The following FGD1 variants were observed in gnomAD, a reference collection of about 807,000 sequenced individuals.
The protein encoded by FGD1 is FYVE, RhoGEF and PH domain-containing protein 1.
FGD1 carries 12 observed loss-of-function variants against 65.0 expected under a neutral mutation model. The ratio of observed to expected loss-of-function variants is 0.18; its 90% CI spans 0.12 to 0.30. The LOEUF (loss-of-function observed/expected upper bound fraction) is 0.30. FGD1 is among the 10% of genes least tolerant of loss of function. The probability of loss-of-function intolerance (pLI) is 1.00; values close to 1 mark genes in which losing one functional copy is unlikely to be tolerated. For synonymous variants in FGD1, 333 were observed against 343.9 expected (o/e 0.97, Z 0.35); for missense variants, 542 against 837.6 (o/e 0.65, Z 4.36).
intron 12 of FGD1, among the ~76,000 whole-genome samples, chrX:54,454,007 G>A (rs1922435642): frequency 8.9e-6 from 1 of 111,819 alleles, no homozygotes; most frequent in African/African-American, 3.3e-5. Context: ...AAAGTAAACA[G>A]GATAGCACAA....
intron 1 of FGD1, among the ~76,000 whole-genome samples, chrX:54,490,493 A>G (rs1485983583): frequency 8.9e-6 from 1 of 112,098 alleles, no homozygotes; most frequent in Non-Finnish European, 1.9e-5. Context: ...AAAGTTGAAC[A>G]TATAGTATGA....
intron 12 of FGD1, 77 bp from the exon 13 acceptor site, chrX:54,450,378 G>A (rs939186504): frequency 3.4e-5 from 34 of 1,004,909 alleles, no homozygotes; most frequent in Admixed American, 6.6e-5. Flanking sequence ...AAGAGCAGGT[G>A]TTTTGGAGTC....
chrX:54,489,831 G>C (rs772926615), intron 1 of FGD1, among the ~76,000 whole-genome samples: 2 of 111,384 alleles, frequency 1.8e-5, no homozygotes, highest in Non-Finnish European at 3.8e-5. Context: ...CTCATTATTG[G>C]GTATACACTC....
At chrX:54,459,391 C>T (rs1424572565) in intron 8 of FGD1, among the ~76,000 whole-genome samples, 1 of 110,841 alleles carries the variant, frequency 9.0e-6, no homozygotes, top group Non-Finnish European at 1.9e-5. Context: ...GGTTTGGAAG[C>T]GTTAGTGGGG....
At chrX:54,475,898 C>T (rs1923006836) in intron 1 of FGD1, among the ~76,000 whole-genome samples, 2 of 111,806 alleles carry the variant, frequency 1.8e-5, no homozygotes, top group Non-Finnish European at 3.8e-5. Flanking sequence ...GAAACCCGAT[C>T]TCTACTAAAA....
chrX:54,466,341 T>C (rs1238796105), intron 6 of FGD1, among the ~76,000 whole-genome samples: 3 of 111,096 alleles, frequency 2.7e-5, no homozygotes, highest in Admixed American at 9.6e-5. Context: ...TGGGGAGATA[T>C]AGGAACCAGG....
intron 10 of FGD1, 46 bp from the exon 11 acceptor site, chrX:54,455,830 G>A: frequency 9.9e-7 from 1 of 1,014,257 alleles, no homozygotes; most frequent in Non-Finnish European, 1.4e-6. Flanking sequence ...GGCCTAGTGG[G>A]GATGTGGCCC....
intron 1 of FGD1, among the ~76,000 whole-genome samples, chrX:54,494,234 T>C (rs2147448092): frequency 9.0e-6 from 1 of 110,935 alleles, no homozygotes; most frequent in African/African-American, 3.3e-5. Context: ...CTGTTGGCTT[T>C]TCTGCTGTCT....
At position 54,445,839 on chromosome X, in the gene FGD1, G is replaced by A. The variant is rs1329384492; in HGVS notation, c.*270C>T. Reference sequence around the variant, plus strand: ...GTATTGAGGGATGAGGGAGAAAAACGACCTAATTCAGGTAGGACTGGCAAC... The same window carrying A: ...GTATTGAGGGATGAGGGAGAAAAACAACCTAATTCAGGTAGGACTGGCAAC... On this transcript the variant is annotated 3_prime_UTR_variant, in exon 18 of 18. Transcript: ENST00000375135. The A allele has an allele frequency of 5.8e-6, 2 of 346,196 alleles. No individual in the cohort carries two copies. Among genetic ancestry groups the A allele is most frequent in the South Asian group, 5.9e-5 (1 of 16,890 alleles). 28.5% of individuals were successfully genotyped at this position (346,196 alleles called of 1,213,427 possible).
intron 1 of FGD1, among the ~76,000 whole-genome samples, chrX:54,482,618 A>G (rs1418690717): frequency 6.3e-5 from 7 of 111,343 alleles, no homozygotes; most frequent in Non-Finnish European, 1.3e-4. Context: ...ACACCCACCC[A>G]TCTCCCTTCC....
intron 1 of FGD1, 105 bp from the exon 2 acceptor site, chrX:54,471,592 G>T: frequency 1.3e-6 from 1 of 769,716 alleles, no homozygotes; most frequent in Non-Finnish European, 1.9e-6. Flanking sequence ...GGGGTATTGG[G>T]TTTCTCTGAG....
chrX:54,446,779 A>G (rs1357835620), intron 17 of FGD1, among the ~76,000 whole-genome samples: 1 of 98,566 alleles, frequency 1.0e-5, no homozygotes, highest in Non-Finnish European at 2.0e-5. Flanking sequence ...GCTGGAGTGC[A>G]GTGGCATGAA....
At chrX:54,462,796 G>C (rs1323554294) in intron 8 of FGD1, among the ~76,000 whole-genome samples, 1 of 83,111 alleles carries the variant, frequency 1.2e-5, no homozygotes, top group Non-Finnish European at 2.3e-5. Flanking sequence ...ATGGGGTCTT[G>C]CTCTGTCACC....
rs754009110 is a variant in FGD1 at position 54,447,428 on chromosome X, G to A, written c.2463C>T (p.Asn821=). ...LEKQASVAAE[N]SVICSFLHYM... is the part of the protein sequence containing the mutation. ...AGTGCAGGAAGCTGCAGATGACGCTGTTCTCTGCAGCCACTGAGGCCTGTT... is the reference window on the plus strand; with the variant it reads ...AGTGCAGGAAGCTGCAGATGACGCTATTCTCTGCAGCCACTGAGGCCTGTT... The change falls in exon 17 of 18, where the codon AAC becomes AAT. Residue 821 remains asparagine (N), a synonymous_variant. Transcript: ENST00000375135. The A allele has an allele frequency of 5.1e-5, 62 of 1,209,620 alleles. No homozygotes were observed. The highest frequency in any genetic ancestry group is 2.2e-6 in the Non-Finnish European group (2 of 894,810).
At chrX:54,468,729 CTCCT>C in intron 5 of FGD1, 54 bp downstream of exon 5, 1 of 838,452 alleles carries the variant, frequency 1.2e-6, no homozygotes. Context: ...CTATCACTGC[CTCCT>C]TGAAACGCAC....
At chrX:54,494,267 C>G (rs1923474833) in intron 1 of FGD1, among the ~76,000 whole-genome samples, 1 of 111,023 alleles carries the variant, frequency 9.0e-6, no homozygotes, top group South Asian at 3.8e-4. Context: ...GCCCCTCCAG[C>G]CTTCTCCTCT....
intron 1 of FGD1, among the ~76,000 whole-genome samples, chrX:54,486,001 T>C (rs1372192771): frequency 4.5e-5 from 5 of 110,632 alleles, no homozygotes. Context: ...TCTCAATCTC[T>C]TGACCTTGTG....
intron 1 of FGD1, among the ~76,000 whole-genome samples, chrX:54,471,698 T>C (rs1278405152): frequency 9.0e-6 from 1 of 111,258 alleles, no homozygotes; most frequent in Non-Finnish European, 1.9e-5. Context: ...TTTTCATCAA[T>C]AGATAAGAAT....
intron 4 of FGD1, 78 bp from the exon 5 acceptor site, chrX:54,468,954 C>T: frequency 1.4e-6 from 1 of 733,073 alleles, no homozygotes. Flanking sequence ...ATTCTTAAAA[C>T]AGTTCCCATG....
Sources: gnomAD v4.1 joint callset for allele counts (sites outside exome capture counted in the v4.1 genomes callset) on GRCh38, gnomAD v4.1.1 for gene constraint, MANE v1.5 for transcripts, NCBI Gene and HGNC (gene_info 2026-07-23, HGNC 2026-07-21) for gene names.